Variants in DSCAM observed in about 807,000 individuals in gnomAD.
DSCAM encodes the protein DS cell adhesion molecule, also known as cell adhesion molecule DSCAM.
A neutral mutation model predicts 217.7 loss-of-function variants in DSCAM; 47 were observed. The observed-to-expected ratio is 0.22, with a 90% CI of 0.17 to 0.28. DSCAM has a LOEUF of 0.28. Among genes scored for constraint, DSCAM ranks in the 10% least tolerant of loss-of-function variants. DSCAM has a pLI of 1.00. For missense variants in DSCAM, 2,080 were observed against 2,618.3 expected (o/e 0.79, Z 4.49); for synonymous variants, 1,056 against 1,015.3 (o/e 1.04, Z -0.76).
At chr21:40,385,137 T>C (rs1248606054) in intron 3 of DSCAM, 2 of 152,154 alleles carry the variant, frequency 1.3e-5, no homozygotes, top group African/African-American at 4.8e-5. Flanking sequence ...CTTCACATAG[T>C]ATGGTTCTGT....
intron 3 of DSCAM, among the ~76,000 whole-genome samples, chr21:40,680,428 A>G (rs2090387632): frequency 1.3e-5 from 2 of 152,178 alleles, no homozygotes; most frequent in African/African-American, 4.8e-5. Flanking sequence ...AGGTCTCACA[A>G]CTGTGCAGTA....
chr21:40,286,692 TCAGTGTGATCTG>T (rs2073828225), intron 10 of DSCAM, among the ~76,000 whole-genome samples: 1 of 138,256 alleles, frequency 7.2e-6, no homozygotes, highest in Admixed American at 6.9e-5. Context: ...CAGGTGATCC[TCAGTGTGATCTG>T]CAGTGTCATC....
At chr21:40,346,781 G>A (rs1413748949) in intron 6 of DSCAM, among the ~76,000 whole-genome samples, 1 of 152,044 alleles carries the variant, frequency 6.6e-6, no homozygotes, top group Admixed American at 6.6e-5. Context: ...ATGGAACTAG[G>A]GACAACTGCA....
intron 8 of DSCAM, among the ~76,000 whole-genome samples, chr21:40,320,384 T>C (rs2074246602): frequency 6.6e-6 from 1 of 152,240 alleles, no homozygotes. Context: ...AAGATTCTAA[T>C]ATGGCCATTG....
At chr21:40,327,624 T>C (rs1388381168) in intron 8 of DSCAM, among the ~76,000 whole-genome samples, 1 of 151,944 alleles carries the variant, frequency 6.6e-6, no homozygotes, top group Non-Finnish European at 1.5e-5. Flanking sequence ...TTTTTTTTTG[T>C]TCAGAATCTT....
At chr21:40,220,401 T>G (rs1251862560) in intron 11 of DSCAM, among the ~76,000 whole-genome samples, 1 of 152,238 alleles carries the variant, frequency 6.6e-6, no homozygotes, top group Non-Finnish European at 1.5e-5. Flanking sequence ...CAACAAAATA[T>G]TCACTGAATT....
chr21:40,693,922 G>A (rs1261104972), intron 2 of DSCAM, among the ~76,000 whole-genome samples: 1 of 152,016 alleles, frequency 6.6e-6, no homozygotes, highest in African/African-American at 2.4e-5. Context: ...ATCCAAGCTC[G>A]GCCACTCCCT....
chr21:40,834,295 T>A (rs951439426), intron 1 of DSCAM, among the ~76,000 whole-genome samples: 1 of 151,498 alleles, frequency 6.6e-6, no homozygotes, highest in Non-Finnish European at 1.5e-5. Context: ...TAGTCCCAGC[T>A]ACTCGCCAGG....
At chr21:40,079,832 G>T (rs937263296) in intron 25 of DSCAM, among the ~76,000 whole-genome samples, 31 of 152,234 alleles carry the variant, frequency 2.0e-4, no homozygotes, top group Middle Eastern at 3.4e-3. Flanking sequence ...AGGGAGAAGG[G>T]CGCCTCCAAA....
intron 8 of DSCAM, among the ~76,000 whole-genome samples, chr21:40,329,050 G>A (rs1001389547): frequency 1.3e-5 from 2 of 152,156 alleles, no homozygotes; most frequent in African/African-American, 4.8e-5. Flanking sequence ...GAGAAGCTTT[G>A]TACTGTATTG....
intron 3 of DSCAM, among the ~76,000 whole-genome samples, chr21:40,609,233 G>C (rs2089281495): frequency 1.3e-5 from 2 of 152,172 alleles, no homozygotes; most frequent in Admixed American, 1.3e-4. Flanking sequence ...GGTACTACAG[G>C]CATGAGCCAC....
At chr21:40,236,530 G>A (rs534620195) in intron 11 of DSCAM, among the ~76,000 whole-genome samples, 194 of 152,178 alleles carry the variant, frequency 1.3e-3, no homozygotes, top group African/African-American at 4.5e-3. Context: ...GTAGTCAAAG[G>A]AAAGAAACAC....
chr21:40,322,972 A>G (rs897454885), intron 8 of DSCAM, among the ~76,000 whole-genome samples: 1 of 152,192 alleles, frequency 6.6e-6, no homozygotes, highest in Non-Finnish European at 1.5e-5. Context: ...TCATGGGGTG[A>G]TGTCATCTGG....
At chr21:40,376,648 C>CGATATCTATATATCTTATATA (rs1569093207) in intron 3 of DSCAM, among the ~76,000 whole-genome samples, 1 of 141,966 alleles carries the variant, frequency 7.0e-6, no homozygotes, top group Admixed American at 7.0e-5. Flanking sequence ...ATATAGATAT[C>CGATATCTATATATCTTATATA]GATATCTATA....
rs549407534 is a variant in DSCAM, at chr21:40,707,214, C to A, written c.361+1240G>T. Reference sequence around the variant, plus strand: ...AGTGGTGTTTTGCAGATTATAAATACGCTTTTATAACACATCATTAAAATG... The same window carrying A: ...AGTGGTGTTTTGCAGATTATAAATAAGCTTTTATAACACATCATTAAAATG... On this transcript the variant is annotated intron_variant, in intron 2 of 32. Transcript: ENST00000400454. Among the ~76,000 whole-genome samples the A allele has an allele frequency of 1.4e-4, 22 of 152,302 alleles. 1 individual carries two copies. The highest frequency in any genetic ancestry group is 4.8e-4 in the African/African-American group (20 of 41,548).
intron 3 of DSCAM, among the ~76,000 whole-genome samples, chr21:40,464,838 C>T (rs973703017): frequency 2.0e-5 from 3 of 151,456 alleles, no homozygotes; most frequent in Non-Finnish European, 4.4e-5. Context: ...CCTCCCAGAT[C>T]CATGCAATTC....
rs1189062773 is a variant in DSCAM at position 40,714,548 on chromosome 21, CT to C, written c.44-5778del. Reference sequence around the variant, plus strand: ...TAGATTTACTTGAAACCTGTTACCTCTTCCTGCCTCTTTCTCCTTTTTGGAA... The same window carrying C: ...TAGATTTACTTGAAACCTGTTACCTCTCCTGCCTCTTTCTCCTTTTTGGAA... On this transcript the variant is annotated intron_variant, in intron 1 of 32. Transcript: ENST00000400454. 3.9e-5 allele frequency among the ~76,000 whole-genome samples: 6 copies of C among 152,220 alleles called. No individual in the cohort carries two copies. In the South Asian group the frequency reaches 8.3e-4, roughly 21 times the overall value.
intron 1 of DSCAM, among the ~76,000 whole-genome samples, chr21:40,781,312 G>A (rs1358658951): frequency 1.3e-5 from 2 of 152,284 alleles, no homozygotes; most frequent in East Asian, 3.9e-4. Context: ...GAGCCACCGT[G>A]CCTGGCCCAT....
intron 8 of DSCAM, 76 bp from the exon 9 acceptor site, chr21:40,312,435 C>G: frequency 6.6e-7 from 1 of 1,517,608 alleles, no homozygotes; most frequent in South Asian, 1.2e-5. Flanking sequence ...GTATACGGCA[C>G]TGAAAGGGTA....
Sources: gnomAD v4.1 joint callset for allele counts (sites outside exome capture counted in the v4.1 genomes callset) on GRCh38, gnomAD v4.1.1 for gene constraint, MANE v1.5 for transcripts, NCBI Gene and HGNC (gene_info 2026-07-23, HGNC 2026-07-21) for gene names.